Variants in PLD5 observed in about 807,000 individuals in gnomAD.
PLD5 encodes inactive phospholipase D5.
Under a neutral mutation model 61.1 loss-of-function variants are expected in PLD5, and 36 were observed. The observed-to-expected ratio is 0.59, with a 90% CI of 0.45 to 0.78. The LOEUF is 0.78. Ranked by LOEUF, PLD5 falls within the 30% of genes least tolerant of loss-of-function variation. The pLI, the probability that PLD5 is intolerant of heterozygous loss-of-function variation, is 0.00. For missense variants in PLD5, 515 were observed against 644.4 expected (o/e 0.80, Z 2.17); for synonymous variants, 243 against 242.8 (o/e 1.00, Z -0.01).
chr1:242,493,504 C>A (rs1044763031), intron 1 of PLD5, among the ~76,000 whole-genome samples: 4 of 152,210 alleles, frequency 2.6e-5, no homozygotes, highest in African/African-American at 7.2e-5. Context: ...AATGAGACAC[C>A]TTTGGCAGGG....
At chr1:242,449,642 T>G (rs928374022) in intron 1 of PLD5, among the ~76,000 whole-genome samples, 1 of 152,214 alleles carries the variant, frequency 6.6e-6, no homozygotes, top group Admixed American at 6.5e-5. Context: ...AAGCAAGCAC[T>G]GGGGACTGCT....
chr1:242,281,959 A>C (rs1198581090), intron 3 of PLD5, among the ~76,000 whole-genome samples: 1 of 152,198 alleles, frequency 6.6e-6, no homozygotes, highest in Non-Finnish European at 1.5e-5. Flanking sequence ...CTTCTTATCT[A>C]CCCAGAGTCT....
chr1:242,207,792 ATATATATTTATATATATTTATATT>A (rs1669442995), intron 5 of PLD5, among the ~76,000 whole-genome samples: 2 of 35,874 alleles, frequency 5.6e-5, no homozygotes, highest in Non-Finnish European at 9.9e-5. Context: ...ATTTATATTT[ATATATATTTATATATATTTATATT>A]TATATATTTA....
intron 2 of PLD5, among the ~76,000 whole-genome samples, chr1:242,340,977 G>C (rs901131341): frequency 1.1e-4 from 17 of 151,896 alleles, no homozygotes; most frequent in Non-Finnish European, 2.4e-4. Flanking sequence ...ACAATATAAG[G>C]ACACCCATAG....
At position 242,463,713 on chromosome 1, in the gene PLD5, G is replaced by A. The variant is rs142067763; in HGVS notation, c.189+60375C>T. The stretch of plus-strand genomic sequence containing the variant: ...CAAGGCAGTGCCTCTACTTATACCC[G>A]TATCCCATCCTCGTGTACACTCAGG... On this transcript the variant is annotated intron_variant, in intron 1 of 9. Transcript: ENST00000536534. Among the ~76,000 whole-genome samples the A allele has an allele frequency of 9.9e-5, 15 of 151,404 alleles. No homozygotes were observed. The East Asian group carries it at 1.8e-3, about 18-fold the overall frequency.
intron 5 of PLD5, among the ~76,000 whole-genome samples, chr1:242,156,155 A>G (rs1665348913): frequency 6.6e-6 from 1 of 151,876 alleles, no homozygotes; most frequent in Non-Finnish European, 1.5e-5. Flanking sequence ...CTGTTTTATT[A>G]GAGATTAGGA....
rs184787836 is a variant in PLD5 at position 242,520,927 on chromosome 1, G to A, written c.189+3161C>T. On this transcript the variant is annotated intron_variant, in intron 1 of 9. Transcript: ENST00000536534. ...CCTAAAGTAAATACAGGATCCTACAGAGAACAGAACTTCCACTGTTTCCCA... is the reference window on the plus strand; with the variant it reads ...CCTAAAGTAAATACAGGATCCTACAAAGAACAGAACTTCCACTGTTTCCCA... Among the ~76,000 whole-genome samples the A allele has an allele frequency of 1.5e-4, 23 of 152,312 alleles. No individual in the cohort carries two copies. The East Asian group carries it at 4.4e-3, about 29-fold the overall frequency.
chr1:242,215,502 T>C (rs1670126595), intron 5 of PLD5, among the ~76,000 whole-genome samples: 1 of 152,200 alleles, frequency 6.6e-6, no homozygotes, highest in South Asian at 2.1e-4. Flanking sequence ...GATATGCACT[T>C]TGCTAAAACC....
chr1:242,290,418 T>A (rs1484455202), intron 2 of PLD5, among the ~76,000 whole-genome samples: 2 of 151,862 alleles, frequency 1.3e-5, no homozygotes, highest in Non-Finnish European at 2.9e-5. Context: ...GAGCGTGAAG[T>A]AGGAAAGTTA....
chr1:242,292,474 G>A (rs1050086064), intron 2 of PLD5, among the ~76,000 whole-genome samples: 3 of 152,112 alleles, frequency 2.0e-5, no homozygotes, highest in African/African-American at 7.2e-5. Context: ...CCATAACATC[G>A]CCTTCTTCGT....
chr1:242,470,688 GTAAT>G (rs1667424599), intron 1 of PLD5, among the ~76,000 whole-genome samples: 1 of 152,218 alleles, frequency 6.6e-6, no homozygotes, highest in Admixed American at 6.5e-5. Context: ...AGAGGCAAAT[GTAAT>G]TGATATACTG....
At chr1:242,407,494 A>G (rs762016608) in intron 1 of PLD5, among the ~76,000 whole-genome samples, 3 of 151,828 alleles carry the variant, frequency 2.0e-5, no homozygotes, top group Non-Finnish European at 4.4e-5. Flanking sequence ...ATACTTCTGT[A>G]GAGATCTCCA....
chr1:242,216,886 T>C (rs1670241635), intron 5 of PLD5, among the ~76,000 whole-genome samples: 2 of 152,218 alleles, frequency 1.3e-5, no homozygotes, highest in South Asian at 4.1e-4. Context: ...GGCTGGTGAT[T>C]TTAAGTTGAA....
intron 6 of PLD5, 151 bp from the exon 7 acceptor site, chr1:242,114,177 T>C: frequency 1.1e-6 from 1 of 880,090 alleles, no homozygotes; most frequent in Non-Finnish European, 1.7e-6. Flanking sequence ...ATATTTTCAA[T>C]CTTATCAAAG....
intron 1 of PLD5, among the ~76,000 whole-genome samples, chr1:242,417,618 G>A (rs73133712): frequency 0.037 from 5,702 of 152,296 alleles, 383 homozygotes; most frequent in African/African-American, 0.13. Context: ...AGTAAAAGTT[G>A]CTCTCTAACA....
intron 1 of PLD5, among the ~76,000 whole-genome samples, chr1:242,506,811 T>C (rs972986222): frequency 1.3e-5 from 2 of 152,188 alleles, no homozygotes; most frequent in Non-Finnish European, 2.9e-5. Context: ...TAAAGTGGCG[T>C]AGTGCACTGG....
At chr1:242,357,618 T>A (rs2149232179) in intron 1 of PLD5, among the ~76,000 whole-genome samples, 1 of 152,006 alleles carries the variant, frequency 6.6e-6, no homozygotes, top group African/African-American at 2.4e-5. Flanking sequence ...CCCGAGTAGC[T>A]GGGATTACAG....
intron 6 of PLD5, 79 bp from the exon 7 acceptor site, chr1:242,114,105 G>A (rs535954126): frequency 7.4e-6 from 11 of 1,490,082 alleles, no homozygotes; most frequent in African/African-American, 1.4e-5. Context: ...TTGTTTCCAC[G>A]GACCTTGGCT....
chr1:242,343,928 C>A (rs1659984920), intron 2 of PLD5, among the ~76,000 whole-genome samples: 1 of 151,990 alleles, frequency 6.6e-6, no homozygotes, highest in African/African-American at 2.4e-5. Flanking sequence ...ACTGAATAAA[C>A]AAATGGACAA....
Sources: gnomAD v4.1 joint callset for allele counts (sites outside exome capture counted in the v4.1 genomes callset) on GRCh38, gnomAD v4.1.1 for gene constraint, MANE v1.5 for transcripts, NCBI Gene and HGNC (gene_info 2026-07-23, HGNC 2026-07-21) for gene names.